HFM1: variants seen among roughly 807,000 people sequenced by gnomAD.
HFM1 encodes the protein probable ATP-dependent DNA helicase HFM1.
In HFM1, 169 loss-of-function variants were observed where a neutral mutation model predicts 192.1. That is an observed-to-expected ratio of 0.88 (90% confidence interval 0.78 to 1.00). The LOEUF (loss-of-function observed/expected upper bound fraction) is 1.00, where lower values mean the gene tolerates loss of function less well. HFM1 is among the 50% of genes least tolerant of loss of function. HFM1 has a pLI of 0.00. For synonymous variants in HFM1, 525 were observed against 537.8 expected (o/e 0.98, Z 0.33); for missense variants, 1,661 against 1,668.0 (o/e 1.00, Z 0.07).
At chr1:91,387,548 G>A (rs1258031473) in intron 4 of HFM1, among the ~76,000 whole-genome samples, 1 of 151,960 alleles carries the variant, frequency 6.6e-6, no homozygotes, top group African/African-American at 2.4e-5. Context: ...CGTTTGACAG[G>A]TGTACAGCCC....
intron 7 of HFM1, 118 bp from the exon 8 acceptor site, chr1:91,380,354 T>C (rs149390296): frequency 1.6e-6 from 1 of 609,030 alleles, no homozygotes; most frequent in African/African-American, 1.9e-5. Context: ...ACATTTTTCC[T>C]CTAAAGTTAT....
intron 18 of HFM1, among the ~76,000 whole-genome samples, chr1:91,349,061 G>A (rs1048457835): frequency 1.1e-4 from 16 of 152,330 alleles, no homozygotes; most frequent in African/African-American, 2.6e-4. Context: ...GCCAAGGCAG[G>A]TGGATCACCT....
intron 30 of HFM1, among the ~76,000 whole-genome samples, chr1:91,282,201 C>G (rs1474380591): frequency 1.3e-5 from 2 of 152,118 alleles, no homozygotes; most frequent in East Asian, 3.9e-4. Context: ...AATTGCCCCC[C>G]TTTTCTCTTA....
chr1:91,284,050 T>C (rs2100845099), intron 30 of HFM1, among the ~76,000 whole-genome samples: 1 of 152,140 alleles, frequency 6.6e-6, no homozygotes, highest in South Asian at 2.1e-4. Context: ...ATCATTTTGT[T>C]ATTTATTTAT....
chr1:91,262,971 GTTATC>G, intron 36 of HFM1, among the ~76,000 whole-genome samples: 1 of 151,990 alleles, frequency 6.6e-6, no homozygotes, highest in East Asian at 1.9e-4. Context: ...GACATCTCTA[GTTATC>G]TTATTAGATA....
rs1218356247 is a variant in HFM1 at position 91,293,525 on chromosome 1, C to T, written c.3392-16463G>A. ...TACCATCTCACACCAGTTAGAATGG[C>T]AATCATTAAAAAGTCAGGAAACAAC... On this transcript the variant is annotated intron_variant, in intron 30 of 38. Coordinates refer to ENST00000370425, the MANE Select transcript of HFM1 (RefSeq NM_001017975.6). Among the ~76,000 whole-genome samples, 40 of 150,010 alleles carry T rather than the reference C, an allele frequency of 2.7e-4. 1 individual carries two copies. Among genetic ancestry groups the T allele is most frequent in the African/African-American group, 9.0e-4 (37 of 41,248 alleles).
At chr1:91,342,922 T>C (rs1198418413) in intron 20 of HFM1, among the ~76,000 whole-genome samples, 1 of 152,102 alleles carries the variant, frequency 6.6e-6, no homozygotes, top group Non-Finnish European at 1.5e-5. Context: ...CCAGAATCAG[T>C]GAAGACAAAT....
intron 13 of HFM1, among the ~76,000 whole-genome samples, chr1:91,359,137 A>T (rs772303804): frequency 1.4e-4 from 22 of 152,224 alleles, no homozygotes; most frequent in Non-Finnish European, 2.6e-4. Flanking sequence ...AAGGTAGATA[A>T]GCCCACAAAG....
intron 2 of HFM1, among the ~76,000 whole-genome samples, chr1:91,400,668 G>C (rs1664209566): frequency 2.0e-5 from 3 of 152,100 alleles, no homozygotes; most frequent in African/African-American, 7.2e-5. Context: ...GCTTTTAGTA[G>C]AGACAGGGTT....
At chr1:91,272,789 T>G (rs1034012528) in intron 34 of HFM1, among the ~76,000 whole-genome samples, 5 of 151,718 alleles carry the variant, frequency 3.3e-5, no homozygotes, top group African/African-American at 1.2e-4. Flanking sequence ...TCACAAGAGG[T>G]AGTGAATACT....
intron 11 of HFM1, among the ~76,000 whole-genome samples, chr1:91,376,704 A>C (rs1251278964): frequency 6.6e-6 from 1 of 151,896 alleles, no homozygotes; most frequent in Non-Finnish European, 1.5e-5. Context: ...AGAAGTAAAA[A>C]ATTTTTAAAT....
At chr1:91,265,903 G>A (rs1016154862) in intron 36 of HFM1, 114 bp downstream of exon 36, 86 of 1,377,632 alleles carry the variant, frequency 6.2e-5, no homozygotes, top group Non-Finnish European at 7.8e-5. Context: ...GAGGGTTTAG[G>A]TTGGCTAATA....
chr1:91,326,813 GAC>G (rs1288083305), intron 20 of HFM1, among the ~76,000 whole-genome samples: 11 of 152,128 alleles, frequency 7.2e-5, no homozygotes, highest in Non-Finnish European at 1.6e-4. Flanking sequence ...AGCTTTTCAA[GAC>G]ACAGAATAAT....
At chr1:91,270,398 G>C (rs928255001) in intron 34 of HFM1, among the ~76,000 whole-genome samples, 1 of 152,044 alleles carries the variant, frequency 6.6e-6, no homozygotes, top group African/African-American at 2.4e-5. Context: ...TGACATGTCT[G>C]ATATGTTAAC....
At chr1:91,329,136 A>G (rs183774252) in intron 20 of HFM1, 2 of 1,609,886 alleles carry the variant, frequency 1.2e-6, no homozygotes, top group Non-Finnish European at 1.7e-6. Context: ...CCAGAAGCAC[A>G]AGAGCATCGA....
intron 6 of HFM1, among the ~76,000 whole-genome samples, chr1:91,384,142 C>T (rs1661889919): frequency 6.6e-6 from 1 of 152,080 alleles, no homozygotes; most frequent in Non-Finnish European, 1.5e-5. Flanking sequence ...GTATTTCATA[C>T]TTTTTTACCT....
At chr1:91,265,336 T>C (rs189020981) in intron 36 of HFM1, among the ~76,000 whole-genome samples, 2 of 152,272 alleles carry the variant, frequency 1.3e-5, no homozygotes, top group African/African-American at 4.8e-5. Flanking sequence ...TAATAAGATA[T>C]CACATAAAAT....
chr1:91,291,989 C>T (rs1668818677), intron 30 of HFM1, among the ~76,000 whole-genome samples: 1 of 152,056 alleles, frequency 6.6e-6, no homozygotes, highest in African/African-American at 2.4e-5. Flanking sequence ...AGGTCTTTGA[C>T]AAAATTCAAC....
chr1:91,404,627 G>A (rs531442856), intron 1 of HFM1, 171 bp downstream of exon 1: 193 of 260,278 alleles, frequency 7.4e-4, no homozygotes, highest in African/African-American at 3.6e-3. Flanking sequence ...CGGGCCGGCG[G>A]CCTGGAGACG....
Sources: gnomAD v4.1 joint callset for allele counts (sites outside exome capture counted in the v4.1 genomes callset) on GRCh38, gnomAD v4.1.1 for gene constraint, MANE v1.5 for transcripts, NCBI Gene and HGNC (gene_info 2026-07-23, HGNC 2026-07-21) for gene names.